FAM83B: variants seen among roughly 807,000 people sequenced by gnomAD.
FAM83B encodes scaffolding CK1 anchoring protein B.
FAM83B carries 26 observed loss-of-function variants against 38.8 expected under a neutral mutation model. The observed-to-expected ratio is 0.67, with a 90% CI of 0.49 to 0.93. FAM83B has a LOEUF of 0.93. FAM83B is among the 40% of genes least tolerant of loss of function. The pLI is 0.00. For missense variants in FAM83B, 1,237 were observed against 1,197.3 expected, an observed-to-expected ratio of 1.03 and a Z score of -0.49; for synonymous variants, 419 against 423.1, an observed-to-expected ratio of 0.99 and a Z score of 0.12.
At chr6:54,927,438 A>G (rs2746440) in intron 3 of FAM83B, 70 bp from the exon 4 acceptor site, 229,721 of 1,279,904 alleles carry the variant, frequency 0.18, 23,919 homozygotes, top group African/African-American at 0.44. Flanking sequence ...CTATCATGAT[A>G]TGGATTTTGG....
intron 1 of FAM83B, among the ~76,000 whole-genome samples, chr6:54,866,738 T>G (rs767958820): frequency 6.6e-6 from 1 of 152,096 alleles, no homozygotes; most frequent in African/African-American, 2.4e-5. Flanking sequence ...GCTATAAATA[T>G]TTGTGTACAG....
chr6:54,858,809 A>G lies in FAM83B; in HGVS notation c.-60-11378A>G, dbSNP rs9382388. ...TGGAGAATCCCCAGAGACACTTGAT[A>G]CCACCTTTCTTCTTCTGACAAAGTT... On this transcript the variant is annotated intron_variant, in intron 1 of 4. Coordinates refer to ENST00000306858, the MANE Select transcript of FAM83B (RefSeq NM_001010872.3). Among the ~76,000 whole-genome samples, 459 of 152,268 alleles carry G rather than the reference A, an allele frequency of 3.0e-3. 7 individuals carry two copies. The highest frequency in any genetic ancestry group is 0.029 in the East Asian group (150 of 5,172).
At chr6:54,896,378 A>G (rs113222411) in intron 2 of FAM83B, among the ~76,000 whole-genome samples, 2,035 of 152,304 alleles carry the variant, frequency 0.013, 55 homozygotes, top group African/African-American at 0.046. Flanking sequence ...GCCAAAACAG[A>G]CATGCAAAGC....
At chr6:54,924,392 A>G (rs1452486048) in intron 2 of FAM83B, among the ~76,000 whole-genome samples, 1 of 151,128 alleles carries the variant, frequency 6.6e-6, no homozygotes, top group Non-Finnish European at 1.5e-5. Flanking sequence ...TCTGCTTCCT[A>G]TTGTAGCCAA....
intron 2 of FAM83B, among the ~76,000 whole-genome samples, chr6:54,919,894 T>C (rs1412988749): frequency 1.3e-5 from 2 of 152,028 alleles, no homozygotes; most frequent in Non-Finnish European, 2.9e-5. Flanking sequence ...TTGTTTATTA[T>C]ATTTAGAGGT....
intron 2 of FAM83B, among the ~76,000 whole-genome samples, chr6:54,893,318 A>G (rs571369411): frequency 3.1e-4 from 47 of 152,272 alleles, no homozygotes; most frequent in African/African-American, 1.1e-3. Context: ...TTTTATTTAT[A>G]CCATCAACCT....
intron 1 of FAM83B, among the ~76,000 whole-genome samples, chr6:54,855,265 T>C (rs1012955995): frequency 6.6e-6 from 1 of 152,186 alleles, no homozygotes; most frequent in African/African-American, 2.4e-5. Context: ...TGAGTGTCAA[T>C]CTCTCATGCA....
At chr6:54,888,697 G>A (rs1772334431) in intron 2 of FAM83B, among the ~76,000 whole-genome samples, 1 of 151,726 alleles carries the variant, frequency 6.6e-6, no homozygotes, top group Admixed American at 6.6e-5. Context: ...ATTTTTAATA[G>A]CTTTAACATG....
chr6:54,876,789 CT>C (rs1772008340), intron 2 of FAM83B, among the ~76,000 whole-genome samples: 1 of 151,876 alleles, frequency 6.6e-6, no homozygotes, highest in African/African-American at 2.4e-5. Flanking sequence ...GTGTATAGTC[CT>C]CTGAGCTTTG....
At chr6:54,890,077 T>C (rs541685070) in intron 2 of FAM83B, among the ~76,000 whole-genome samples, 28 of 152,224 alleles carry the variant, frequency 1.8e-4, no homozygotes, top group Admixed American at 1.7e-3. Context: ...AAGAATTTTA[T>C]TGCATCATAT....
At chr6:54,918,625 G>A (rs941987734) in intron 2 of FAM83B, among the ~76,000 whole-genome samples, 13 of 152,000 alleles carry the variant, frequency 8.6e-5, no homozygotes, top group African/African-American at 3.1e-4. Context: ...AGAACAGCAT[G>A]GAGGTAACCA....
intron 2 of FAM83B, among the ~76,000 whole-genome samples, chr6:54,911,304 A>G (rs1772905020): frequency 6.6e-6 from 1 of 151,158 alleles, no homozygotes; most frequent in South Asian, 2.1e-4. Flanking sequence ...GAGTTAAAGA[A>G]AAAAAAAAAC....
At chr6:54,880,351 T>C (rs1163918555) in intron 2 of FAM83B, among the ~76,000 whole-genome samples, 1 of 151,904 alleles carries the variant, frequency 6.6e-6, no homozygotes, top group Non-Finnish European at 1.5e-5. Flanking sequence ...AATTTTAAAG[T>C]AGCAAAAATA....
At chr6:54,925,122 A>G (rs1019858467) in intron 2 of FAM83B, among the ~76,000 whole-genome samples, 15 of 152,224 alleles carry the variant, frequency 9.9e-5, no homozygotes, top group Non-Finnish European at 2.1e-4. Context: ...TCTGCCTGCA[A>G]CAGTCTTCTT....
At chr6:54,877,848 TC>T (rs1486797331) in intron 2 of FAM83B, among the ~76,000 whole-genome samples, 1 of 152,176 alleles carries the variant, frequency 6.6e-6, no homozygotes, top group Non-Finnish European at 1.5e-5. Flanking sequence ...GATTACATAT[TC>T]CTAATCGGAG....
chr6:54,936,093 A>G (rs925658674), intron 4 of FAM83B, among the ~76,000 whole-genome samples: 1 of 152,116 alleles, frequency 6.6e-6, no homozygotes, highest in African/African-American at 2.4e-5. Context: ...ATGGCATAGA[A>G]ATCACCTACG....
intron 2 of FAM83B, among the ~76,000 whole-genome samples, chr6:54,914,891 T>C (rs375337516): frequency 6.6e-6 from 1 of 152,140 alleles, no homozygotes; most frequent in African/African-American, 2.4e-5. Context: ...ATTTCTCCTT[T>C]GTGTCCTGTT....
Position 54,940,018 on chromosome 6 carries a change from C to T in FAM83B, c.1047C>T (p.Asp349=). The change falls in exon 5 of 5, where the codon GAC becomes GAT. Residue 349 remains aspartate, a synonymous_variant. Coordinates refer to ENST00000306858, the MANE Select transcript of FAM83B (RefSeq NM_001010872.3). The stretch of plus-strand genomic sequence containing the variant: ...GGATATATACTTTAAATGAACATGA[C>T]AAATATAACATAAGAAGTCACGGAT... ...NRGIYTLNEH[D]KYNIRSHGYK... 1 of 1,613,874 alleles carries T rather than the reference C, an allele frequency of 6.2e-7. No individual in the cohort carries two copies. Among genetic ancestry groups the T allele is most frequent in the Non-Finnish European group, 8.5e-7 (1 of 1,179,924 alleles).
At chr6:54,908,033 GA>G (rs1036069975) in intron 2 of FAM83B, among the ~76,000 whole-genome samples, 86 of 149,986 alleles carry the variant, frequency 5.7e-4, no homozygotes, top group Non-Finnish European at 1.2e-4. Flanking sequence ...TTTAGAGGAT[GA>G]AAAAAAAGTG....
Sources: allele counts gnomAD v4.1 joint callset (sites outside exome capture counted in the v4.1 genomes callset), GRCh38; gene constraint gnomAD v4.1.1; transcripts MANE v1.5; gene names NCBI Gene and HGNC (gene_info 2026-07-23, HGNC 2026-07-21).